DDX6: variants seen among roughly 807,000 people sequenced by gnomAD.
DDX6 encodes the protein probable ATP-dependent RNA helicase DDX6.
Under a neutral mutation model 60.6 loss-of-function variants are expected in DDX6, and 7 were observed. The observed-to-expected ratio is 0.12, with a 90% CI of 0.07 to 0.22. The LOEUF (loss-of-function observed/expected upper bound fraction) is 0.22. Among genes scored for constraint, DDX6 ranks in the 10% least tolerant of loss-of-function variants. DDX6 has a pLI of 1.00. For synonymous variants in DDX6, 207 were observed against 201.0 expected (o/e 1.03, Z -0.25); for missense variants, 270 against 589.9 (o/e 0.46, Z 5.62).
At chr11:118,764,463 A>T (rs1804302420) in intron 6 of DDX6, among the ~76,000 whole-genome samples, 1 of 152,128 alleles carries the variant, frequency 6.6e-6, no homozygotes, top group Non-Finnish European at 1.5e-5. Context: ...CTTTGTACCT[A>T]CAGCCCTGCA....
In DDX6 at chr11:118,755,385, A is replaced by C. The variant is rs782424784; in HGVS notation, c.1276+17T>G. On this transcript the variant is annotated intron_variant, in intron 12 of 13. Coordinates refer to ENST00000534980, the MANE Select transcript of DDX6 (RefSeq NM_004397.6). ...AAAAAGAACTTCTACCAAGAATATC[A>C]CCTCTTTTTTCCTCACCTGATCTTC... is the stretch of plus-strand genomic sequence containing the variant. 6.6e-7 allele frequency: 1 copy of C among 1,515,580 alleles called. No homozygotes were observed. 93.9% of individuals were successfully genotyped at this position (1,515,580 alleles called of 1,614,324 possible).
Position 118,759,988 on chromosome 11 carries a change from C to T in DDX6, c.798G>A (p.Thr266=), listed in dbSNP as rs201052917. The change falls in exon 8 of 14, where the codon ACG becomes ACA. Residue 266 remains threonine (T), a synonymous_variant. Transcript: ENST00000534980. ...FVQIMEDIIL[T]LPKNRQILLY... is the part of the protein sequence containing the mutation. ...GTAAAATCTGCCTGTTTTTAGGTAG[C>T]GTGAGAATAATATCCTCCATTATCT... 1.6e-4 allele frequency: 265 copies of T among 1,613,598 alleles called. No individual in the cohort carries two copies. In the African/African-American group the frequency reaches 2.9e-3, roughly 18 times the overall value.
In DDX6 at chr11:118,754,705, A is replaced by G. The variant is rs1555158298; in HGVS notation, c.*7T>C. 6.2e-7 allele frequency: 1 copy of G among 1,601,376 alleles called. No individual in the cohort carries two copies. The highest frequency in any genetic ancestry group is 8.5e-7 in the Non-Finnish European group (1 of 1,176,388). Reference sequence around the variant, plus strand: ...CTTAGCTGTTCTGTCAGGGACGTACATGCTTGTTAAGGTTTCTCATCTTCT... The same window carrying G: ...CTTAGCTGTTCTGTCAGGGACGTACGTGCTTGTTAAGGTTTCTCATCTTCT... On this transcript the variant is annotated splice_region_variant and 3_prime_UTR_variant, in exon 13 of 14. Coordinates refer to ENST00000534980, the MANE Select transcript of DDX6 (RefSeq NM_004397.6).
At chr11:118,777,610 C>A (rs1861742991) in intron 4 of DDX6, among the ~76,000 whole-genome samples, 1 of 152,034 alleles carries the variant, frequency 6.6e-6, no homozygotes, top group African/African-American at 2.4e-5. Context: ...AAGAAAGGGG[C>A]CGGGTACGAT....
chr11:118,754,571 C>T, intron 13 of DDX6, 134 bp downstream of exon 13: 1 of 719,576 alleles, frequency 1.4e-6, no homozygotes, highest in Non-Finnish European at 2.2e-6. Context: ...ATATTATTTA[C>T]TGTCATTTAT....
At chr11:118,784,070 A>C (rs1426268288) in intron 2 of DDX6, among the ~76,000 whole-genome samples, 3 of 144,006 alleles carry the variant, frequency 2.1e-5, no homozygotes, top group East Asian at 2.0e-4. Context: ...CCTAGGCAAC[A>C]AAGTGAGACC....
chr11:118,783,925 G>A (rs1861987655), intron 2 of DDX6, among the ~76,000 whole-genome samples: 1 of 151,172 alleles, frequency 6.6e-6, no homozygotes, highest in African/African-American at 2.4e-5. Flanking sequence ...AGACCAGCCT[G>A]GGCAACATGA....
At chr11:118,753,336 C>CT (rs34191912) in intron 13 of DDX6, among the ~76,000 whole-genome samples, 1,503 of 67,400 alleles carry the variant, frequency 0.022, 45 homozygotes, top group African/African-American at 0.046. Flanking sequence ...GCCCAAGTGG[C>CT]TTTTTTTTTT....
In DDX6 at chr11:118,791,140, C is replaced by T. The variant is rs1185825292; in HGVS notation, c.-310G>A. 3 of 152,144 alleles carry T rather than the reference C, an allele frequency of 2.0e-5. No individual in the cohort carries two copies. Among genetic ancestry groups the T allele is most frequent in the Non-Finnish European group, 4.4e-5 (3 of 68,102 alleles). The allele number at this position is 152,144 out of a possible 1,614,324, so 9.4% of individuals were successfully genotyped here. On this transcript the variant is annotated 5_prime_UTR_variant, in exon 1 of 14. Coordinates refer to ENST00000534980, the MANE Select transcript of DDX6 (RefSeq NM_004397.6). ...CTCGTGGCGCCGCCGAAGTCGCCGCCTGGCTGAGCTAACTCGGCTCCTCTG... is the reference window on the plus strand; with the variant it reads ...CTCGTGGCGCCGCCGAAGTCGCCGCTTGGCTGAGCTAACTCGGCTCCTCTG...
Position 118,786,324 on chromosome 11 carries a change from T to C in DDX6, c.-73A>G. ...CAGTAGAGAAACTGTAATAACAGTT[T>C]ATTAGGCTCTCCAAAATGAAGAGAT... On this transcript the variant is annotated 5_prime_UTR_variant, in exon 2 of 14. It adds an upstream start codon to the 5' untranslated region. Coordinates refer to ENST00000534980, the MANE Select transcript of DDX6 (RefSeq NM_004397.6). The C allele has an allele frequency of 1.5e-6, 2 of 1,301,126 alleles. No homozygotes were observed. Among genetic ancestry groups the C allele is most frequent in the Admixed American group, 2.4e-5 (1 of 42,072 alleles). The allele number at this position is 1,301,126 out of a possible 1,614,324, so 80.6% of individuals were successfully genotyped here.
Position 118,747,914 on chromosome 11 carries a change from C to CT in DDX6, c.*4190_*4191insA, listed in dbSNP as rs1479868432. 8.7e-6 allele frequency: 1 copy of CT among 115,112 alleles called. No individual in the cohort carries two copies. Among genetic ancestry groups the CT allele is most frequent in the East Asian group, 2.6e-4 (1 of 3,866 alleles). 7.1% of individuals were successfully genotyped at this position (115,112 alleles called of 1,614,324 possible). On this transcript the variant is annotated 3_prime_UTR_variant, in exon 14 of 14. Transcript: ENST00000534980. ...AACAAAAACAGAGCCCCCCCCCCCCCCACTGGAACATCTGCCAATTAAGAG... is the reference window on the plus strand; with the variant it reads ...AACAAAAACAGAGCCCCCCCCCCCCCTCACTGGAACATCTGCCAATTAAGAG...
At chr11:118,757,338 G>T in intron 9 of DDX6, 51 bp from the exon 10 acceptor site, 4 of 1,065,468 alleles carry the variant, frequency 3.8e-6, no homozygotes, top group South Asian at 1.9e-5. Flanking sequence ...ACCTTCATTT[G>T]GTTTGCCAAA....
In DDX6 at chr11:118,757,155, CT is replaced by C; in HGVS notation, c.1110+15del. 1.6e-6 allele frequency: 2 copies of C among 1,266,624 alleles called. No individual in the cohort carries two copies. The highest frequency in any genetic ancestry group is 1.5e-5 in the South Asian group (1 of 65,476). 78.5% of individuals were successfully genotyped at this position (1,266,624 alleles called of 1,614,324 possible). On this transcript the variant is annotated intron_variant, in intron 10 of 13. Coordinates refer to ENST00000534980, the MANE Select transcript of DDX6 (RefSeq NM_004397.6). ...ATTTCTTATTAAATTTGTGCAAGTTCTAGTTTTATACTCACCTGCCTCATTT... is the reference window on the plus strand; with the variant it reads ...ATTTCTTATTAAATTTGTGCAAGTTCAGTTTTATACTCACCTGCCTCATTT...
rs1420945033 is a variant in DDX6, at chr11:118,750,676, TC to T, written c.*1428del. Reference sequence around the variant, plus strand: ...CAATGACACTGCCACTCAATAGAATTCCTACACTGCAAGGTAGATTAATCTT... The same window carrying T: ...CAATGACACTGCCACTCAATAGAATTCTACACTGCAAGGTAGATTAATCTT... On this transcript the variant is annotated 3_prime_UTR_variant, in exon 14 of 14. Transcript: ENST00000534980. 1.3e-5 allele frequency: 2 copies of T among 152,138 alleles called. No homozygotes were observed. Among genetic ancestry groups the T allele is most frequent in the Non-Finnish European group, 2.9e-5 (2 of 68,020 alleles). 9.4% of individuals were successfully genotyped at this position (152,138 alleles called of 1,614,324 possible). A position where few individuals can be genotyped will look rare whatever the true frequency, so the allele number is the denominator to read the frequency against.
At chr11:118,791,064 C>T (rs1171351871) in intron 1 of DDX6, 34 bp downstream of exon 1, 1 of 151,160 alleles carries the variant, frequency 6.6e-6, no homozygotes, top group Non-Finnish European at 1.5e-5. Flanking sequence ...GCCAGCCGCC[C>T]GAGCCGCCGG....
At chr11:118,789,752 A>T (rs1449487588) in intron 1 of DDX6, 2 of 152,234 alleles carry the variant, frequency 1.3e-5, no homozygotes, top group Admixed American at 6.5e-5. Flanking sequence ...TATCATCATT[A>T]CTGTCCATCA....
intron 4 of DDX6, among the ~76,000 whole-genome samples, chr11:118,773,606 T>C (rs572630631): frequency 4.0e-5 from 6 of 151,254 alleles, no homozygotes; most frequent in Admixed American, 3.3e-4. Context: ...AAACAACCTA[T>C]GGTTACTCCA....
chr11:118,764,422 C>T (rs573329689), intron 6 of DDX6, among the ~76,000 whole-genome samples: 47 of 396 alleles, frequency 0.12, no homozygotes, highest in East Asian at 0.43. Flanking sequence ...GCCAATTTTT[C>T]GGCACGACAA....
chr11:118,768,334 C>T lies in DDX6; in HGVS notation c.388G>A (p.Ala130Thr). The change falls in exon 5 of 14, where the codon GCT (alanine) becomes ACT (threonine). Residue 130 changes from alanine to threonine, a missense_variant. By Grantham distance (58) the Ala-to-Thr change is moderately conservative. Coordinates refer to ENST00000534980, the MANE Select transcript of DDX6 (RefSeq NM_004397.6). ...GCTAAGATATCCCTACCAGATAAAG[C>T]AATGGGAATGCTCTCCTCCTAAAAG... Reference protein sequence around the residue: ...SPIQEESIPIALSGRDILARA... With the variant: ...SPIQEESIPITLSGRDILARA... 6.2e-7 allele frequency: 1 copy of T among 1,612,432 alleles called. No homozygotes were observed. Among genetic ancestry groups the T allele is most frequent in the Non-Finnish European group, 8.5e-7 (1 of 1,179,838 alleles).
Sources: allele counts gnomAD v4.1 joint callset (sites outside exome capture counted in the v4.1 genomes callset), GRCh38; gene constraint gnomAD v4.1.1; transcripts MANE v1.5; gene names NCBI Gene and HGNC (gene_info 2026-07-23, HGNC 2026-07-21).